Variants in IGDCC4 observed in about 807,000 individuals in gnomAD.
IGDCC4 encodes immunoglobulin superfamily DCC subclass member 4, also known as likely ortholog of mouse neighbor of Punc E11.
Under a neutral mutation model 116.6 loss-of-function variants are expected in IGDCC4, and 72 were observed. The ratio of observed to expected loss-of-function variants is 0.62; its 90% CI spans 0.51 to 0.75. IGDCC4 has a LOEUF of 0.75. Ranked by LOEUF, IGDCC4 falls within the 30% of genes least tolerant of loss-of-function variation. IGDCC4 has a pLI of 0.00. For synonymous variants in IGDCC4, 709 were observed against 719.9 expected (o/e 0.98, Z 0.24); for missense variants, 1,501 against 1,662.4 (o/e 0.90, Z 1.69).
At chr15:65,421,884 C>A (rs1157063361) in intron 1 of IGDCC4, among the ~76,000 whole-genome samples, 1 of 152,038 alleles carries the variant, frequency 6.6e-6, no homozygotes, top group Non-Finnish European at 1.5e-5. Flanking sequence ...TAGACACACA[C>A]CCTTGGGGAC....
At chr15:65,409,825 C>A (rs939317563) in intron 3 of IGDCC4, among the ~76,000 whole-genome samples, 2 of 152,080 alleles carry the variant, frequency 1.3e-5, no homozygotes, top group Non-Finnish European at 2.9e-5. Flanking sequence ...CCTCAACAGA[C>A]AACCAACATT....
Position 65,383,221 on chromosome 15 carries a change from A to G in IGDCC4, c.*788T>C, listed in dbSNP as rs2091418514. On this transcript the variant is annotated 3_prime_UTR_variant, in exon 20 of 20. Coordinates refer to ENST00000352385, the MANE Select transcript of IGDCC4 (RefSeq NM_020962.3). ...AACCCAGGCAGGAGAACAAGATGAC[A>G]TAGTCTGGGAGAGGTGTGAGAGATA... is the stretch of plus-strand genomic sequence containing the variant. The G allele has an allele frequency of 6.5e-6, 1 of 153,132 alleles. No individual in the cohort carries two copies. The highest frequency in any genetic ancestry group is 1.5e-5 in the Non-Finnish European group (1 of 68,320). The allele number at this position is 153,132 out of a possible 1,614,324, so 9.5% of individuals were successfully genotyped here. A position where few individuals can be genotyped will look rare whatever the true frequency, so the allele number is the denominator to read the frequency against.
At chr15:65,407,875 C>A (rs940329435) in intron 3 of IGDCC4, among the ~76,000 whole-genome samples, 19 of 151,550 alleles carry the variant, frequency 1.3e-4, no homozygotes, top group African/African-American at 4.6e-4. Context: ...ACCTTGTGAT[C>A]CGCCCGCCTC....
chr15:65,411,949 A>C (rs557820498), intron 1 of IGDCC4, among the ~76,000 whole-genome samples: 22 of 152,238 alleles, frequency 1.4e-4, no homozygotes, highest in African/African-American at 5.1e-4. Context: ...TATACTAAAA[A>C]CCACTGAGTT....
In IGDCC4 at chr15:65,422,201, T is replaced by A. The variant is rs576518714; in HGVS notation, c.70+592A>T. Among the ~76,000 whole-genome samples, 19 of 152,160 alleles carry A rather than the reference T, an allele frequency of 1.2e-4. No individual in the cohort carries two copies. The South Asian group carries it at 3.7e-3, about 30-fold the overall frequency. ...CAGGGACCACACCCACTGGGCAAAG[T>A]TGAGTGTTGTTTTATCACCACCACC... On this transcript the variant is annotated intron_variant, in intron 1 of 19. Transcript: ENST00000352385.
rs2062882718 is a variant in IGDCC4, at chr15:65,393,093, T to C, written c.1885+268A>G. Among the ~76,000 whole-genome samples the C allele has an allele frequency of 6.6e-6, 1 of 152,154 alleles. No individual in the cohort carries two copies. Among genetic ancestry groups the C allele is most frequent in the African/African-American group, 2.4e-5 (1 of 41,428 alleles). On this transcript the variant is annotated intron_variant, in intron 10 of 19. Coordinates refer to ENST00000352385, the MANE Select transcript of IGDCC4 (RefSeq NM_020962.3). This position sits in a 1 kb window ranked among gnomAD's most constrained non-coding sequence, Gnocchi z 4.6. The stretch of plus-strand genomic sequence containing the variant: ...AGTTTTTATGTACTAAGCACTTTAG[T>C]TACAATACATTATTCAACCTCATGC...
Position 65,396,894 on chromosome 15 carries a change from G to A in IGDCC4, c.937C>T (p.Arg313Cys). The change falls in exon 6 of 20, where the codon CGC (arginine) becomes TGC (cysteine). Residue 313 changes from arginine to cysteine, a missense_variant. Coordinates refer to ENST00000352385, the MANE Select transcript of IGDCC4 (RefSeq NM_020962.3). Reference sequence around the variant, plus strand: ...TCGCGCGTGCGGGGCTTGTTGGCGCGGCAGACATAGACGCCGGAGTGCCAG... The same window carrying A: ...TCGCGCGTGCGGGGCTTGTTGGCGCAGCAGACATAGACGCCGGAGTGCCAG... ...QPWHSGVYVC[R>C]ANKPRTRDFA... 1 of 1,574,846 alleles carries A rather than the reference G, an allele frequency of 6.3e-7. No individual in the cohort carries two copies. The highest frequency in any genetic ancestry group is 2.3e-5 in the East Asian group (1 of 42,884).
intron 1 of IGDCC4, among the ~76,000 whole-genome samples, chr15:65,418,422 T>C (rs1390249885): frequency 6.6e-6 from 1 of 152,158 alleles, no homozygotes; most frequent in Non-Finnish European, 1.5e-5. Flanking sequence ...TCTAACAAGG[T>C]CATAAGTCCC....
intron 1 of IGDCC4, among the ~76,000 whole-genome samples, chr15:65,417,862 C>A (rs563614365): frequency 1.3e-5 from 2 of 152,164 alleles, no homozygotes; most frequent in Non-Finnish European, 2.9e-5. Flanking sequence ...TCCCAAAGTG[C>A]TGGGATTACA....
At chr15:65,403,009 G>C (rs1262353296) in intron 3 of IGDCC4, among the ~76,000 whole-genome samples, 1 of 152,214 alleles carries the variant, frequency 6.6e-6, no homozygotes, top group African/African-American at 2.4e-5. Context: ...TACACCATCT[G>C]TCCAGGGCAA....
intron 1 of IGDCC4, among the ~76,000 whole-genome samples, chr15:65,413,245 G>C (rs2063114771): frequency 6.6e-6 from 1 of 152,100 alleles, no homozygotes; most frequent in South Asian, 2.1e-4. Flanking sequence ...CCCAGCATGA[G>C]AGGAGGCTCA....
intron 15 of IGDCC4, 79 bp from the exon 16 acceptor site, chr15:65,388,665 G>A: frequency 1.2e-6 from 2 of 1,602,892 alleles, no homozygotes; most frequent in East Asian, 4.5e-5. Flanking sequence ...AGGGGACTGG[G>A]AGAGTCTGCT....
intron 16 of IGDCC4, 76 bp from the exon 17 acceptor site, chr15:65,386,732 G>A (rs2091464688): frequency 3.6e-6 from 4 of 1,124,514 alleles, no homozygotes; most frequent in Non-Finnish European, 3.9e-6. Context: ...ACTATCCATG[G>A]CTTTCTCAGG....
In IGDCC4 at chr15:65,416,284, C is replaced by T. The variant is rs572696543; in HGVS notation, c.71-4914G>A. 2.6e-5 allele frequency among the ~76,000 whole-genome samples: 4 copies of T among 151,772 alleles called. No homozygotes were observed. In the South Asian group the frequency reaches 8.3e-4, roughly 32 times the overall value. ...TCCCGAGTAGCTGGGACTGCAGGCG[C>T]CCGCCACCATACCCAGCTAATTTTT... On this transcript the variant is annotated intron_variant, in intron 1 of 19. Coordinates refer to ENST00000352385, the MANE Select transcript of IGDCC4 (RefSeq NM_020962.3).
chr15:65,410,459 G>C, intron 2 of IGDCC4, 140 bp from the exon 3 acceptor site: 1 of 954,788 alleles, frequency 1.0e-6, no homozygotes, highest in East Asian at 2.6e-5. Flanking sequence ...AATTCAGACC[G>C]AGGGAGACAC....
At chr15:65,402,237 C>T in intron 4 of IGDCC4, 114 bp downstream of exon 4, 1 of 1,248,898 alleles carries the variant, frequency 8.0e-7, no homozygotes, top group Middle Eastern at 2.8e-4. Context: ...GTCAATGGGA[C>T]TAACATTTAT....
intron 6 of IGDCC4, chr15:65,396,379 T>G: frequency 1.5e-6 from 1 of 673,838 alleles, no homozygotes. Flanking sequence ...ACCATTCTCT[T>G]TCTCTCCCAA....
chr15:65,385,152 A>T (rs1329616502), intron 18 of IGDCC4, 37 bp from the exon 19 acceptor site: 1 of 1,529,300 alleles, frequency 6.5e-7, no homozygotes. Flanking sequence ...AAGGGGCACG[A>T]CCAGGATTGG....
At chr15:65,399,208 T>G (rs933398844) in intron 5 of IGDCC4, among the ~76,000 whole-genome samples, 3 of 152,132 alleles carry the variant, frequency 2.0e-5, no homozygotes, top group Admixed American at 1.3e-4. Context: ...CAGTGACTCA[T>G]GGCTGTAATC....
Sources: gnomAD v4.1 joint callset for allele counts (sites outside exome capture counted in the v4.1 genomes callset) on GRCh38, gnomAD v4.1.1 for gene constraint, Gnocchi (gnomAD v3.1) non-coding constraint, MANE v1.5 for transcripts, NCBI Gene and HGNC (gene_info 2026-07-23, HGNC 2026-07-21) for gene names.